RNF111: variants seen among roughly 807,000 people sequenced by gnomAD.
The protein encoded by RNF111 is E3 ubiquitin-protein ligase Arkadia.
Under a neutral mutation model 95.1 loss-of-function variants are expected in RNF111, and 17 were observed. The observed-to-expected ratio is 0.18, with a 90% CI of 0.12 to 0.27. The LOEUF (loss-of-function observed/expected upper bound fraction) is 0.27. RNF111 is among the 10% of genes least tolerant of loss of function. The pLI is 1.00. For synonymous variants in RNF111, 440 were observed against 414.8 expected, an observed-to-expected ratio of 1.06 and a Z score of -0.74; for missense variants, 1,189 against 1,210.4, an observed-to-expected ratio of 0.98 and a Z score of 0.26.
chr15:59,068,608 GT>G (rs557904020), intron 6 of RNF111, among the ~76,000 whole-genome samples: 3 of 150,468 alleles, frequency 2.0e-5, no homozygotes, highest in Non-Finnish European at 4.4e-5. Flanking sequence ...TCCGAAGTTC[GT>G]TTTTTTTTCT....
intron 6 of RNF111, among the ~76,000 whole-genome samples, chr15:59,075,634 A>G (rs184331808): frequency 1.6e-3 from 238 of 152,362 alleles, no homozygotes; most frequent in East Asian, 6.7e-3. Context: ...TAAAGTTTCT[A>G]AGATGTATTT....
At chr15:59,076,998 C>T (rs1284610610) in intron 7 of RNF111, among the ~76,000 whole-genome samples, 1 of 152,192 alleles carries the variant, frequency 6.6e-6, no homozygotes, top group Non-Finnish European at 1.5e-5. Flanking sequence ...AAAAAATCTG[C>T]ATCGTGCAGA....
intron 10 of RNF111, among the ~76,000 whole-genome samples, chr15:59,088,201 G>T (rs1326686821): frequency 6.6e-6 from 1 of 152,178 alleles, no homozygotes; most frequent in African/African-American, 2.4e-5. Context: ...AAGTAAGCAT[G>T]ACCCAGGGTG....
At chr15:59,063,467 G>A (rs2042525876) in intron 5 of RNF111, among the ~76,000 whole-genome samples, 1 of 152,168 alleles carries the variant, frequency 6.6e-6, no homozygotes, top group Non-Finnish European at 1.5e-5. Context: ...CTGGGTTGTG[G>A]AGTTAATTTC....
At chr15:58,990,771 T>A (rs967241962) in intron 1 of RNF111, among the ~76,000 whole-genome samples, 8 of 152,210 alleles carry the variant, frequency 5.3e-5, no homozygotes, top group Non-Finnish European at 1.2e-4. Context: ...AAAAATGAAA[T>A]TTTTTATTAC....
intron 1 of RNF111, among the ~76,000 whole-genome samples, chr15:59,007,743 A>G (rs973639153): frequency 4.6e-5 from 7 of 152,114 alleles, no homozygotes; most frequent in African/African-American, 1.2e-4. Context: ...TTTAATTTGC[A>G]TTCCTCTGGT....
intron 1 of RNF111, among the ~76,000 whole-genome samples, chr15:59,024,574 A>G (rs1377085319): frequency 6.6e-6 from 1 of 152,186 alleles, no homozygotes; most frequent in African/African-American, 2.4e-5. Context: ...CCAACATAGG[A>G]TTACATGTTC....
chr15:59,000,992 C>G (rs1176994493), intron 1 of RNF111, among the ~76,000 whole-genome samples: 2 of 152,056 alleles, frequency 1.3e-5, no homozygotes, highest in African/African-American at 4.8e-5. Context: ...GTGGGGTTAA[C>G]TTTTTATTTT....
chr15:58,994,815 C>T (rs2038981348), intron 1 of RNF111, among the ~76,000 whole-genome samples: 1 of 152,096 alleles, frequency 6.6e-6, no homozygotes. Context: ...TTACATTATG[C>T]CCATTACATT....
At chr15:58,996,649 CTTT>C (rs60350601) in intron 1 of RNF111, among the ~76,000 whole-genome samples, 122 of 100,750 alleles carry the variant, frequency 1.2e-3, no homozygotes, top group African/African-American at 4.4e-3. Context: ...TCAGTACTTT[CTTT>C]TTTTTTTTTT....
chr15:59,003,291 G>A (rs1403113812), intron 1 of RNF111, among the ~76,000 whole-genome samples: 1 of 151,564 alleles, frequency 6.6e-6, no homozygotes, highest in Non-Finnish European at 1.5e-5. Context: ...TTTTTGTAGA[G>A]ACATGCTTTT....
intron 1 of RNF111, among the ~76,000 whole-genome samples, chr15:59,005,688 T>C (rs1399755930): frequency 6.6e-6 from 1 of 152,096 alleles, no homozygotes; most frequent in Non-Finnish European, 1.5e-5. Context: ...AAAATGTATG[T>C]ATATGTATAT....
Position 59,095,681 on chromosome 15 carries a change from A to G in RNF111, c.*781A>G. On this transcript the variant is annotated 3_prime_UTR_variant, in exon 14 of 14. Coordinates refer to ENST00000348370, the MANE Select transcript of RNF111 (RefSeq NM_017610.8). ...TTTTTGCTGCTGTGAAACAGCTCTG[A>G]TGAACACTAAATATTAATTTCAATT... The G allele has an allele frequency of 4.5e-6, 1 of 223,408 alleles. No individual in the cohort carries two copies. The highest frequency in any genetic ancestry group is 8.7e-6 in the Non-Finnish European group (1 of 115,546). The allele number at this position is 223,408 out of a possible 1,614,324, so 13.8% of individuals were successfully genotyped here. A position where few individuals can be genotyped will look rare whatever the true frequency, so the allele number is the denominator to read the frequency against.
At chr15:59,058,877 A>G (rs1483051833) in intron 5 of RNF111, among the ~76,000 whole-genome samples, 2 of 152,204 alleles carry the variant, frequency 1.3e-5, no homozygotes, top group Non-Finnish European at 2.9e-5. Context: ...ATTAAAGGAT[A>G]TTATCAAGAC....
intron 1 of RNF111, among the ~76,000 whole-genome samples, chr15:59,025,631 A>G (rs1409355217): frequency 1.3e-5 from 2 of 152,170 alleles, no homozygotes; most frequent in African/African-American, 4.8e-5. Context: ...TCACTTAATT[A>G]TATTAAAAAG....
At chr15:59,005,970 T>C (rs2141485956) in intron 1 of RNF111, among the ~76,000 whole-genome samples, 1 of 152,308 alleles carries the variant, frequency 6.6e-6, no homozygotes, top group South Asian at 2.1e-4. Flanking sequence ...ATCAATGCAT[T>C]TTGAGTTGCC....
intron 2 of RNF111, among the ~76,000 whole-genome samples, chr15:59,046,482 T>C (rs2041715113): frequency 6.6e-6 from 1 of 152,218 alleles, no homozygotes; most frequent in South Asian, 2.1e-4. Context: ...CGTCAGCCTC[T>C]GTACCTGGCC....
intron 1 of RNF111, among the ~76,000 whole-genome samples, chr15:59,023,438 C>T (rs2040445052): frequency 6.6e-6 from 1 of 152,088 alleles, no homozygotes; most frequent in Admixed American, 6.5e-5. Flanking sequence ...TTTCATTCCT[C>T]TTGTAAGTAG....
At chr15:59,040,301 T>C (rs2041386912) in intron 2 of RNF111, among the ~76,000 whole-genome samples, 1 of 149,300 alleles carries the variant, frequency 6.7e-6, no homozygotes, top group South Asian at 2.1e-4. Flanking sequence ...TATATTTTAA[T>C]TTTTTTTTTA....
Sources: allele counts gnomAD v4.1 joint callset (sites outside exome capture counted in the v4.1 genomes callset), GRCh38; gene constraint gnomAD v4.1.1; transcripts MANE v1.5; gene names NCBI Gene and HGNC (gene_info 2026-07-23, HGNC 2026-07-21).